HMCN2: variants seen among roughly 807,000 people sequenced by gnomAD.
The protein encoded by HMCN2 is hemicentin-2.
HMCN2 carries 325 observed loss-of-function variants against 377.5 expected under a neutral mutation model. That is an observed-to-expected ratio of 0.86 (90% CI 0.79 to 0.94). The LOEUF (loss-of-function observed/expected upper bound fraction) is 0.94. Ranked by LOEUF, HMCN2 falls within the 40% of genes least tolerant of loss-of-function variation. The pLI is 0.00. For missense variants in HMCN2, 4,543 were observed against 4,725.3 expected, an observed-to-expected ratio of 0.96 and a Z score of 1.13; for synonymous variants, 2,007 against 2,046.8, an observed-to-expected ratio of 0.98 and a Z score of 0.53.
chr9:130,401,355 G>A (rs1457071254), intron 77 of HMCN2, among the ~76,000 whole-genome samples: 3 of 151,928 alleles, frequency 2.0e-5, no homozygotes, highest in African/African-American at 7.3e-5. Context: ...ATGGAGTCTC[G>A]CTCTGTTGCC....
At chr9:130,274,423 T>C (rs541013402) in intron 1 of HMCN2, among the ~76,000 whole-genome samples, 3 of 152,338 alleles carry the variant, frequency 2.0e-5, no homozygotes, top group Non-Finnish European at 4.4e-5. Context: ...TGGATTATTC[T>C]TTAATATACA....
At chr9:130,396,384 C>T in intron 73 of HMCN2, 71 bp downstream of exon 73, 1 of 1,191,022 alleles carries the variant, frequency 8.4e-7, no homozygotes, top group Non-Finnish European at 1.1e-6. Context: ...ATCAAACTCA[C>T]TTGGGCAATT....
chr9:130,346,079 C>T (rs1045041932), intron 25 of HMCN2, among the ~76,000 whole-genome samples: 54 of 152,222 alleles, frequency 3.5e-4, no homozygotes, highest in South Asian at 1.0e-3. Flanking sequence ...TGATGACCAG[C>T]GGTAGCAGCA....
intron 62 of HMCN2, among the ~76,000 whole-genome samples, chr9:130,390,187 C>G (rs1373803433): frequency 1.3e-5 from 2 of 152,226 alleles, no homozygotes; most frequent in African/African-American, 4.8e-5. Flanking sequence ...TCTGCTCCCC[C>G]CGGCTGACTA....
chr9:130,351,813 A>AG lies in HMCN2; in HGVS notation c.4585+236_4585+237insG, dbSNP rs1839733657. 2.0e-5 allele frequency among the ~76,000 whole-genome samples: 3 copies of AG among 149,724 alleles called. No individual in the cohort carries two copies. The East Asian group carries it at 5.9e-4, about 29-fold the overall frequency. Reference sequence around the variant, plus strand: ...TCCATCCCAGCTCTAAAAATTTACTACTTATGTTTTTTTTTTGAGATGAAT... The same window carrying AG: ...TCCATCCCAGCTCTAAAAATTTACTAGCTTATGTTTTTTTTTTGAGATGAAT... On this transcript the variant is annotated intron_variant, in intron 30 of 97. Transcript: ENST00000683500. This position sits in a 1 kb window ranked among gnomAD's most constrained non-coding sequence, Gnocchi z 5.4.
intron 22 of HMCN2, among the ~76,000 whole-genome samples, chr9:130,334,988 C>T (rs1472924553): frequency 1.3e-5 from 2 of 152,144 alleles, no homozygotes; most frequent in Non-Finnish European, 1.5e-5. Context: ...AGGCATGTGC[C>T]ACTATGCCCA....
intron 40 of HMCN2, among the ~76,000 whole-genome samples, chr9:130,363,703 G>A (rs1363163235): frequency 6.6e-6 from 1 of 151,732 alleles, no homozygotes; most frequent in Non-Finnish European, 1.5e-5. Context: ...CGTGCCTGTA[G>A]TCCCAGCTAC....
intron 1 of HMCN2, among the ~76,000 whole-genome samples, chr9:130,277,680 T>C (rs1411106240): frequency 7.0e-6 from 1 of 143,800 alleles, no homozygotes; most frequent in Non-Finnish European, 1.5e-5. Context: ...ACATCACTAT[T>C]ACCACCATCA....
intron 45 of HMCN2, among the ~76,000 whole-genome samples, chr9:130,370,488 C>T (rs530224431): frequency 3.3e-4 from 51 of 152,296 alleles, no homozygotes; most frequent in African/African-American, 1.0e-3. Context: ...GCTGGGATCT[C>T]GAGCCTCACC....
chr9:130,335,044 C>T (rs1838670311), intron 22 of HMCN2, among the ~76,000 whole-genome samples: 2 of 152,092 alleles, frequency 1.3e-5, no homozygotes. Flanking sequence ...TTGTGTTACC[C>T]AGACTGTGTG....
Position 130,391,362 on chromosome 9 carries a change from C to CTT in HMCN2, c.9826_9827insTT (p.Arg3276LeufsTer12). The CTT allele has an allele frequency of 1.0e-6, 1 of 987,686 alleles. No homozygotes were observed. The highest frequency in any genetic ancestry group is 1.2e-6 in the Non-Finnish European group (1 of 830,124). 61.2% of individuals were successfully genotyped at this position (987,686 alleles called of 1,614,324 possible). A position where few individuals can be genotyped will look rare whatever the true frequency, so the allele number is the denominator to read the frequency against. ...GGGCCAGGACATGGGCCCCCACCTC[C>CTT]GGTAAGACTTGGCCCATGCCCTCCC... On this transcript the variant is annotated frameshift_variant and splice_region_variant, in exon 64 of 98. Transcript: ENST00000683500. LOFTEE classifies it high-confidence loss of function.
Position 130,368,425 on chromosome 9 carries a change from C to T in HMCN2, c.6775C>T (p.Leu2259=). ...VVGNSSQDLQ[L]EVHVPPQIAG... ...GGGGAACAGCAGCCAGGACCTGCAG[C>T]TGGAGGTGCACGGTGGGTGAGCTGG... is the stretch of plus-strand genomic sequence containing the variant. Residue 2259 remains leucine, a synonymous_variant, in exon 44 of 98, where the codon CTG becomes TTG. Coordinates refer to ENST00000683500, the MANE Select transcript of HMCN2 (RefSeq NM_001291815.2). 3.0e-6 allele frequency: 3 copies of T among 986,166 alleles called. No individual in the cohort carries two copies. The highest frequency in any genetic ancestry group is 3.6e-6 in the Non-Finnish European group (3 of 830,274). The allele number at this position is 986,166 out of a possible 1,614,324, so 61.1% of individuals were successfully genotyped here.
intron 59 of HMCN2, 105 bp downstream of exon 59, chr9:130,384,903 G>A (rs901065426): frequency 4.2e-6 from 3 of 711,576 alleles, no homozygotes; most frequent in African/African-American, 3.7e-5. Context: ...AGGAGGCACA[G>A]GGGGAGGCTG....
At chr9:130,357,757 A>G (rs1235632031) in intron 34 of HMCN2, 77 bp from the exon 35 acceptor site, 1 of 1,114,590 alleles carries the variant, frequency 9.0e-7, no homozygotes, top group African/African-American at 1.6e-5. Flanking sequence ...ACCCCCAGGC[A>G]TCGAGGGGGT....
At chr9:130,318,894 TC>T (rs1320462877) in intron 15 of HMCN2, among the ~76,000 whole-genome samples, 2 of 151,974 alleles carry the variant, frequency 1.3e-5, no homozygotes, top group African/African-American at 2.4e-5. Flanking sequence ...AGACCTATAA[TC>T]CCCCCCGACG....
Position 130,353,205 on chromosome 9 carries a change from G to T in HMCN2, c.4864G>T (p.Val1622Phe). 1 of 1,303,168 alleles carries T rather than the reference G, an allele frequency of 7.7e-7. No homozygotes were observed. The highest frequency in any genetic ancestry group is 1.0e-6 in the Non-Finnish European group (1 of 988,670). 80.7% of individuals were successfully genotyped at this position (1,303,168 alleles called of 1,614,324 possible). A position where few individuals can be genotyped will look rare whatever the true frequency, so the allele number is the denominator to read the frequency against. Reference sequence around the variant, plus strand: ...GAAGGCCACCAGGCTGGATGTTTATGGTGAGCAGCCAGGGGCCACGGCAGC... The same window carrying T: ...GAAGGCCACCAGGCTGGATGTTTATTGTGAGCAGCCAGGGGCCACGGCAGC... Reference protein sequence around the residue: ...AEKATRLDVYVPPTIEGAGGR... With the variant: ...AEKATRLDVYFPPTIEGAGGR... The change falls in exon 31 of 98, where the codon GTC becomes TTC. Residue 1622 changes from valine to phenylalanine, a missense_variant and splice_region_variant. This residue lies in a region of HMCN2 where 1,032 missense variants were observed against 1,285.1 expected (regional missense o/e 0.80). Transcript: ENST00000683500.
chr9:130,314,257 C>T (rs1221887105), intron 15 of HMCN2, among the ~76,000 whole-genome samples: 2 of 152,158 alleles, frequency 1.3e-5, no homozygotes, highest in African/African-American at 2.4e-5. Flanking sequence ...GGGCTGGGCT[C>T]TGTGGCGAGG....
rs1011822588 is a variant in HMCN2 at position 130,329,498 on chromosome 9, A to C, written c.3359+2023A>C. Among the ~76,000 whole-genome samples, 30 of 140,242 alleles carry C rather than the reference A, an allele frequency of 2.1e-4. No homozygotes were observed. The East Asian group carries it at 3.5e-3, about 17-fold the overall frequency. The allele number at this position is 140,242 out of a possible 152,430, so 92.0% of individuals were successfully genotyped here. On this transcript the variant is annotated intron_variant, in intron 22 of 97. Coordinates refer to ENST00000683500, the MANE Select transcript of HMCN2 (RefSeq NM_001291815.2). The stretch of plus-strand genomic sequence containing the variant: ...TCACTCTGTTGCCAGGCTGGAGTGC[A>C]GTGGTGCAATCTCAGCTCACTGCAA...
intron 19 of HMCN2, among the ~76,000 whole-genome samples, chr9:130,324,547 T>A (rs1588243113): frequency 6.6e-6 from 1 of 152,202 alleles, no homozygotes; most frequent in Non-Finnish European, 1.5e-5. Context: ...ATAGTTTACA[T>A]TGGGGTTCCC....
Sources: gnomAD v4.1 joint callset for allele counts (sites outside exome capture counted in the v4.1 genomes callset) on GRCh38, gnomAD v4.1.1 for gene constraint, gnomAD v4.1.1 regional missense constraint, Gnocchi (gnomAD v3.1) non-coding constraint, MANE v1.5 for transcripts, NCBI Gene and HGNC (gene_info 2026-07-23, HGNC 2026-07-21) for gene names.